FMNL2: variants seen among roughly 807,000 people sequenced by gnomAD.
The protein encoded by FMNL2 is formin like 2.
Under a neutral mutation model 130.2 loss-of-function variants are expected in FMNL2, and 51 were observed. The observed-to-expected ratio is 0.39, with a 90% CI of 0.31 to 0.49. The LOEUF is 0.49. FMNL2 is among the 20% of genes least tolerant of loss of function. The pLI, the probability that FMNL2 is intolerant of heterozygous loss-of-function variation, is 0.85. For synonymous variants in FMNL2, 465 were observed against 467.1 expected (o/e 1.00, Z 0.06); for missense variants, 977 against 1,316.2 (o/e 0.74, Z 3.99).
At position 152,648,101 on chromosome 2, in the gene FMNL2, C is replaced by A; in HGVS notation, c.*196C>A. 1.8e-6 allele frequency: 1 copy of A among 558,862 alleles called. No homozygotes were observed. The allele number at this position is 558,862 out of a possible 1,614,324, so 34.6% of individuals were successfully genotyped here. On this transcript the variant is annotated 3_prime_UTR_variant, in exon 26 of 26. Coordinates refer to ENST00000288670, the MANE Select transcript of FMNL2 (RefSeq NM_052905.4). The stretch of plus-strand genomic sequence containing the variant: ...TAACAAGTGCCTAAAAATGGAAGTA[C>A]CTGTTCAGATTAATCAAAGCAATAG...
chr2:152,475,908 A>G (rs888412546), intron 1 of FMNL2, among the ~76,000 whole-genome samples: 3 of 152,246 alleles, frequency 2.0e-5, no homozygotes, highest in African/African-American at 7.2e-5. Context: ...TAGATCTAAA[A>G]TGACATTGTA....
At chr2:152,528,133 A>G (rs922564482) in intron 2 of FMNL2, among the ~76,000 whole-genome samples, 3 of 152,198 alleles carry the variant, frequency 2.0e-5, no homozygotes, top group African/African-American at 4.8e-5. Context: ...TAATATAATT[A>G]TTTACCTTTT....
Position 152,475,790 on chromosome 2 carries a change from C to T in FMNL2, c.118-46153C>T, listed in dbSNP as rs112389030. Among the ~76,000 whole-genome samples the T allele has an allele frequency of 7.9e-3, 1,204 of 152,140 alleles. 10 individuals are homozygous for T. The highest frequency in any genetic ancestry group is 0.024 in the African/African-American group (992 of 41,512). On this transcript the variant is annotated intron_variant, in intron 1 of 25. Coordinates refer to ENST00000288670, the MANE Select transcript of FMNL2 (RefSeq NM_052905.4). ...CTGGGGTTACAGGCATGAGCCACCG[C>T]GCCTGGCCAAGAATAGATTTTTAAC...
At chr2:152,525,030 C>T (rs1693308870) in intron 2 of FMNL2, among the ~76,000 whole-genome samples, 2 of 152,074 alleles carry the variant, frequency 1.3e-5, no homozygotes, top group Admixed American at 6.5e-5. Flanking sequence ...TCCCAAGCCC[C>T]TTATTTTATA....
At chr2:152,632,904 TTA>T (rs1682273761) in intron 21 of FMNL2, among the ~76,000 whole-genome samples, 1 of 152,076 alleles carries the variant, frequency 6.6e-6, no homozygotes, top group African/African-American at 2.4e-5. Flanking sequence ...CAGCCAGTGT[TTA>T]TTATAAATTC....
chr2:152,503,219 T>C (rs1445119532), intron 1 of FMNL2, among the ~76,000 whole-genome samples: 2 of 152,192 alleles, frequency 1.3e-5, no homozygotes, highest in African/African-American at 4.8e-5. Context: ...GAACAGAGCA[T>C]GGACAAATAG....
intron 9 of FMNL2, among the ~76,000 whole-genome samples, chr2:152,602,843 C>G (rs1352856649): frequency 6.6e-6 from 1 of 152,148 alleles, no homozygotes; most frequent in Non-Finnish European, 1.5e-5. Flanking sequence ...AAATTAGTGT[C>G]TCGTTCCTTT....
At chr2:152,583,177 T>C (rs1215010961) in intron 9 of FMNL2, among the ~76,000 whole-genome samples, 1 of 152,236 alleles carries the variant, frequency 6.6e-6, no homozygotes, top group Non-Finnish European at 1.5e-5. Context: ...ACTTTTGACA[T>C]TGAATTCTTA....
At chr2:152,646,990 C>T (rs1298887348) in intron 25 of FMNL2, among the ~76,000 whole-genome samples, 2 of 152,154 alleles carry the variant, frequency 1.3e-5, no homozygotes, top group Non-Finnish European at 2.9e-5. Context: ...GACTGGTATG[C>T]AGTGATTGAC....
chr2:152,486,552 T>A (rs1579785698), intron 1 of FMNL2, among the ~76,000 whole-genome samples: 1 of 152,364 alleles, frequency 6.6e-6, no homozygotes, highest in Non-Finnish European at 1.5e-5. Flanking sequence ...TCTCAACCCT[T>A]CTTATTCACT....
chr2:152,436,340 G>A (rs1273628945), intron 1 of FMNL2, among the ~76,000 whole-genome samples: 2 of 151,894 alleles, frequency 1.3e-5, no homozygotes, highest in Non-Finnish European at 2.9e-5. Context: ...TAGAAATGAG[G>A]GTCTCACTAT....
At chr2:152,470,445 C>T (rs574925738) in intron 1 of FMNL2, among the ~76,000 whole-genome samples, 2 of 152,222 alleles carry the variant, frequency 1.3e-5, no homozygotes, top group East Asian at 1.9e-4. Context: ...ATTTGTCAAC[C>T]GTGGCTGACA....
Position 152,468,289 on chromosome 2 carries a change from A to G in FMNL2, c.118-53654A>G, listed in dbSNP as rs567368840. On this transcript the variant is annotated intron_variant, in intron 1 of 25. Transcript: ENST00000288670. Reference sequence around the variant, plus strand: ...TATAGATCTAGGGCTGTGCCGTCCGATACAGGAACCACCAGCCTTTGAGGT... The same window carrying G: ...TATAGATCTAGGGCTGTGCCGTCCGGTACAGGAACCACCAGCCTTTGAGGT... 1.7e-4 allele frequency among the ~76,000 whole-genome samples: 26 copies of G among 152,316 alleles called. No individual in the cohort carries two copies. The East Asian group carries it at 5.0e-3, about 29-fold the overall frequency.
intron 2 of FMNL2, among the ~76,000 whole-genome samples, chr2:152,534,372 A>T (rs531859403): frequency 6.6e-6 from 1 of 152,208 alleles, no homozygotes; most frequent in African/African-American, 2.4e-5. Flanking sequence ...TATGATAATT[A>T]TACCCACAAT....
intron 1 of FMNL2, among the ~76,000 whole-genome samples, chr2:152,355,899 A>G (rs1241005463): frequency 6.6e-6 from 1 of 152,180 alleles, no homozygotes; most frequent in Non-Finnish European, 1.5e-5. Context: ...TACCCAAATA[A>G]ATAAAATGTT....
chr2:152,444,190 CGATGATGAT>C (rs1180686271), intron 1 of FMNL2, among the ~76,000 whole-genome samples: 5 of 151,846 alleles, frequency 3.3e-5, no homozygotes, highest in Non-Finnish European at 7.4e-5. Flanking sequence ...GGGATTTTCA[CGATGATGAT>C]GATGATGGAA....
At chr2:152,356,946 AGTAATATATATAACG>A (rs1271635127) in intron 1 of FMNL2, among the ~76,000 whole-genome samples, 38 of 149,010 alleles carry the variant, frequency 2.6e-4, no homozygotes, top group South Asian at 8.4e-4. Flanking sequence ...ATATATATTA[AGTAATATATATAACG>A]ATAAATATTA....
intron 25 of FMNL2, among the ~76,000 whole-genome samples, chr2:152,647,550 AAAT>A (rs1282362642): frequency 2.6e-5 from 4 of 152,258 alleles, no homozygotes; most frequent in Non-Finnish European, 5.9e-5. Flanking sequence ...CCAGTGACAG[AAAT>A]AATCTATGTA....
At chr2:152,441,562 C>G (rs991227923) in intron 1 of FMNL2, among the ~76,000 whole-genome samples, 1 of 150,504 alleles carries the variant, frequency 6.6e-6, no homozygotes, top group African/African-American at 2.5e-5. Context: ...GGAGGCCAGG[C>G]GTGGTGGTTC....
Sources: gnomAD v4.1 joint callset for allele counts (sites outside exome capture counted in the v4.1 genomes callset) on GRCh38, gnomAD v4.1.1 for gene constraint, MANE v1.5 for transcripts, NCBI Gene and HGNC (gene_info 2026-07-23, HGNC 2026-07-21) for gene names.